Variants in PLCH1 observed in about 807,000 individuals in gnomAD.
PLCH1 encodes phospholipase C eta 1, also known as 1-phosphatidylinositol 4,5-bisphosphate phosphodiesterase eta-1.
Under a neutral mutation model 126.7 loss-of-function variants are expected in PLCH1, and 60 were observed. That is an observed-to-expected ratio of 0.47 (90% confidence interval 0.38 to 0.59). PLCH1 has a LOEUF of 0.59. Ranked by LOEUF, PLCH1 falls within the 20% of genes least tolerant of loss-of-function variation. The pLI is 0.00. For missense variants in PLCH1, 1,723 were observed against 2,040.0 expected (o/e 0.84, Z 2.99); for synonymous variants, 719 against 734.9 (o/e 0.98, Z 0.35).
Position 155,667,903 on chromosome 3 carries a change from T to TA in PLCH1, c.79+36242dup, listed in dbSNP as rs35373040. 6.4e-3 allele frequency among the ~76,000 whole-genome samples: 482 copies of TA among 75,554 alleles called. 3 individuals carry two copies. The highest frequency in any genetic ancestry group is 8.9e-3 in the Non-Finnish European group (385 of 43,414). The allele number at this position is 75,554 out of a possible 152,430, so 49.6% of individuals were successfully genotyped here. On this transcript the variant is annotated intron_variant, in intron 2 of 22. Transcript: ENST00000460012. ...AACATGGCGAAACCCCATCTCTACT[T>TA]AAAAAAAAAAAAAAAAAAAAAAAAT...
At chr3:155,668,183 A>G (rs1309270039) in intron 2 of PLCH1, among the ~76,000 whole-genome samples, 2 of 152,088 alleles carry the variant, frequency 1.3e-5, no homozygotes, top group Non-Finnish European at 2.9e-5. Flanking sequence ...ACAATCAACA[A>G]GTTGAGAACT....
chr3:155,463,251 C>T (rs2107975267), intron 21 of PLCH1, among the ~76,000 whole-genome samples: 2 of 152,302 alleles, frequency 1.3e-5, no homozygotes, highest in Admixed American at 1.3e-4. Flanking sequence ...ATATATACAG[C>T]AACAAAACTT....
At chr3:155,552,934 C>A (rs1266533269) in intron 9 of PLCH1, among the ~76,000 whole-genome samples, 2 of 152,112 alleles carry the variant, frequency 1.3e-5, no homozygotes, top group Non-Finnish European at 2.9e-5. Context: ...GAGGCCAGTG[C>A]TGCCCCTAAC....
chr3:155,580,429 G>A (rs573208948), intron 6 of PLCH1, among the ~76,000 whole-genome samples: 118 of 152,160 alleles, frequency 7.8e-4, no homozygotes, highest in African/African-American at 2.7e-3. Flanking sequence ...ATATAAATAA[G>A]GGTAGATTTT....
At chr3:155,501,991 A>G (rs1204964107) in intron 13 of PLCH1, among the ~76,000 whole-genome samples, 1 of 150,828 alleles carries the variant, frequency 6.6e-6, no homozygotes, top group African/African-American at 2.5e-5. Flanking sequence ...CACCTTCTAG[A>G]TTTTCTCATG....
At chr3:155,593,540 C>G (rs1732481380) in intron 4 of PLCH1, among the ~76,000 whole-genome samples, 1 of 152,230 alleles carries the variant, frequency 6.6e-6, no homozygotes, top group African/African-American at 2.4e-5. Flanking sequence ...ACTAAACTGA[C>G]TTTATAACAA....
intron 21 of PLCH1, among the ~76,000 whole-genome samples, chr3:155,462,364 G>A (rs1212150267): frequency 6.6e-6 from 1 of 152,190 alleles, no homozygotes; most frequent in Non-Finnish European, 1.5e-5. Flanking sequence ...TTAAGCAGCT[G>A]ACTACTGACT....
intron 9 of PLCH1, among the ~76,000 whole-genome samples, chr3:155,551,712 T>C (rs535719006): frequency 1.4e-4 from 21 of 144,860 alleles, no homozygotes; most frequent in Non-Finnish European, 2.7e-4. Context: ...AAAAAAATTA[T>C]CAGTACACAA....
chr3:155,689,134 G>A (rs1274282763), intron 2 of PLCH1, among the ~76,000 whole-genome samples: 2 of 152,164 alleles, frequency 1.3e-5, no homozygotes, highest in Admixed American at 1.3e-4. Flanking sequence ...GACTCTATAT[G>A]TTTGGGAAAA....
chr3:155,532,324 G>C (rs977675952), intron 10 of PLCH1, among the ~76,000 whole-genome samples: 1 of 152,202 alleles, frequency 6.6e-6, no homozygotes, highest in Non-Finnish European at 1.5e-5. Flanking sequence ...GCAGACTGCT[G>C]TTCCAAGCTC....
chr3:155,683,588 T>C (rs1175913584), intron 2 of PLCH1, among the ~76,000 whole-genome samples: 2 of 152,178 alleles, frequency 1.3e-5, no homozygotes, highest in African/African-American at 2.4e-5. Flanking sequence ...TGAACTCATA[T>C]CCAGCTATAA....
At chr3:155,689,380 A>G (rs1745203751) in intron 2 of PLCH1, among the ~76,000 whole-genome samples, 2 of 152,152 alleles carry the variant, frequency 1.3e-5, no homozygotes, top group Admixed American at 1.3e-4. Context: ...ACCAAAGAAC[A>G]TCTACCAGCA....
chr3:155,539,445 T>G (rs764951914), intron 10 of PLCH1, among the ~76,000 whole-genome samples: 4 of 152,058 alleles, frequency 2.6e-5, no homozygotes, highest in Non-Finnish European at 4.4e-5. Context: ...CTTCCAAATG[T>G]GTAAAGAGGA....
chr3:155,691,238 G>C (rs921659995), intron 2 of PLCH1, among the ~76,000 whole-genome samples: 5 of 152,174 alleles, frequency 3.3e-5, no homozygotes, highest in African/African-American at 9.7e-5. Context: ...AGTTTCATCT[G>C]TAAAATAGTC....
At chr3:155,695,832 C>T (rs960041952) in intron 2 of PLCH1, among the ~76,000 whole-genome samples, 10 of 152,100 alleles carry the variant, frequency 6.6e-5, no homozygotes, top group African/African-American at 9.7e-5. Context: ...AGGATGTGTT[C>T]GAAGTTGGCT....
chr3:155,671,245 C>T (rs1743410166), intron 2 of PLCH1, among the ~76,000 whole-genome samples: 1 of 152,160 alleles, frequency 6.6e-6, no homozygotes, highest in Non-Finnish European at 1.5e-5. Context: ...TAACTATATG[C>T]ACTTCACAGA....
intron 2 of PLCH1, among the ~76,000 whole-genome samples, chr3:155,659,228 T>G (rs1741801287): frequency 6.8e-6 from 1 of 147,392 alleles, no homozygotes; most frequent in Admixed American, 6.8e-5. Context: ...CTAAGGAGAC[T>G]TCCCAAGCTC....
intron 12 of PLCH1, among the ~76,000 whole-genome samples, chr3:155,505,196 T>A (rs1030600422): frequency 3.9e-5 from 6 of 152,210 alleles, no homozygotes; most frequent in Non-Finnish European, 7.3e-5. Flanking sequence ...AAAGTTTATG[T>A]GTTCGTTGAA....
chr3:155,643,466 C>T (rs1380870444), intron 2 of PLCH1, among the ~76,000 whole-genome samples: 5 of 152,168 alleles, frequency 3.3e-5, no homozygotes, highest in Admixed American at 6.5e-5. Flanking sequence ...ATTCTGAATT[C>T]CTGACTCACA....
Sources: gnomAD v4.1 joint callset for allele counts (sites outside exome capture counted in the v4.1 genomes callset) on GRCh38, gnomAD v4.1.1 for gene constraint, MANE v1.5 for transcripts, NCBI Gene and HGNC (gene_info 2026-07-23, HGNC 2026-07-21) for gene names.